Variants in MMP14 observed in about 807,000 individuals in gnomAD.
MMP14 encodes matrix metallopeptidase 14.
In MMP14, 13 loss-of-function variants were observed where a neutral mutation model predicts 64.8. The ratio of observed to expected loss-of-function variants is 0.20; its 90% CI spans 0.13 to 0.32. The LOEUF is 0.32. Ranked by LOEUF, MMP14 falls within the 10% of genes least tolerant of loss-of-function variation. The pLI is 1.00. For synonymous variants in MMP14, 322 were observed against 315.9 expected (o/e 1.02, Z -0.20); for missense variants, 594 against 783.8 (o/e 0.76, Z 2.89).
In MMP14 at chr14:22,843,476, A is replaced by C; in HGVS notation, c.850+58A>C. 6.4e-7 allele frequency: 1 copy of C among 1,570,110 alleles called. No homozygotes were observed. The highest frequency in any genetic ancestry group is 8.7e-7 in the Non-Finnish European group (1 of 1,154,240). On this transcript the variant is annotated intron_variant, in intron 5 of 9. Transcript: ENST00000311852. The surrounding 1 kb of genome is among the most constrained non-coding windows in gnomAD (Gnocchi z 4.8). ...TCTGCTGCTTGTTCCCTCCTGGTCT[A>C]CGCATTTCCCCTCTTTTATGCCTTG...
intron 2 of MMP14, 56 bp from the exon 3 acceptor site, chr14:22,841,857 C>T: frequency 6.2e-7 from 1 of 1,609,436 alleles, no homozygotes; most frequent in Non-Finnish European, 8.5e-7. Flanking sequence ...ATCGTGGAGA[C>T]CTTTCTCTTT....
intron 1 of MMP14, chr14:22,837,183 C>A: frequency 1.5e-6 from 1 of 650,608 alleles, no homozygotes; most frequent in Non-Finnish European, 2.8e-6. Flanking sequence ...TTTCCCAGTC[C>A]TTGGAAGAAC....
rs151330457 is a variant in MMP14 at position 22,844,393 on chromosome 14, G to C, written c.1034G>C (p.Arg345Thr). Reference protein sequence around the residue: ...VFKERWFWRVRNNQVMDGYPM... With the variant: ...VFKERWFWRVTNNQVMDGYPM... The stretch of plus-strand genomic sequence containing the variant: ...CAGGAGCGCTGGTTCTGGCGGGTGA[G>C]GAATAACCAAGTGATGGATGGATAC... Residue 345 changes from arginine to threonine, a missense_variant, in exon 7 of 10, where the codon AGG becomes ACG. By Grantham distance (71) the Arg-to-Thr change is moderately conservative (BLOSUM62 -1). Around this residue, in one of 4 missense-constraint regions of MMP14, gnomAD observed 364 missense variants for 425.2 expected, o/e 0.86. Coordinates refer to ENST00000311852, the MANE Select transcript of MMP14 (RefSeq NM_004995.4). 42 of 1,613,978 alleles carry C rather than the reference G, an allele frequency of 2.6e-5. No homozygotes were observed. The highest frequency in any genetic ancestry group is 3.4e-5 in the Non-Finnish European group (40 of 1,180,008).
chr14:22,841,961 G>A lies in MMP14; in HGVS notation c.306G>A (p.Glu102=), dbSNP rs1299865135. ...GTGTTCCAGACAAGTTTGGGGCTGA[G>A]ATCAAGGCCAATGTTCGAAGGAAGC... ...RCGVPDKFGA[E]IKANVRRKRY... Residue 102 remains glutamate, a synonymous_variant, in exon 3 of 10, where the codon GAG becomes GAA. Transcript: ENST00000311852. The A allele has an allele frequency of 6.2e-6, 10 of 1,614,240 alleles. No individual in the cohort carries two copies. The highest frequency in any genetic ancestry group is 8.5e-6 in the Non-Finnish European group (10 of 1,180,052).
At chr14:22,840,227 A>T (rs969725172) in intron 1 of MMP14, among the ~76,000 whole-genome samples, 26 of 152,232 alleles carry the variant, frequency 1.7e-4, no homozygotes, top group African/African-American at 6.3e-4. Context: ...TTGGCCTCCC[A>T]AACTGTCGGG....
At position 22,846,207 on chromosome 14, in the gene MMP14, C is replaced by T. The variant is rs1001602009; in HGVS notation, c.*168C>T. 2 of 647,294 alleles carry T rather than the reference C, an allele frequency of 3.1e-6. No homozygotes were observed. The highest frequency in any genetic ancestry group is 1.8e-5 in the African/African-American group (1 of 54,638). 40.1% of individuals were successfully genotyped at this position (647,294 alleles called of 1,614,324 possible). The stretch of plus-strand genomic sequence containing the variant: ...CCTCCTTCACCCTGACCGCCTCCCT[C>T]CCTCCTGCCCCGGCATTGCATCTTC... On this transcript the variant is annotated 3_prime_UTR_variant, in exon 10 of 10. Transcript: ENST00000311852.
intron 6 of MMP14, 133 bp downstream of exon 6, chr14:22,844,003 C>A: frequency 1.7e-6 from 2 of 1,169,032 alleles, no homozygotes; most frequent in South Asian, 1.4e-5. Context: ...CGAGAGCAGG[C>A]TGGCCAACAT....
chr14:22,842,975 C>T lies in MMP14; in HGVS notation c.688+258C>T, dbSNP rs927646342. 6.6e-6 allele frequency among the ~76,000 whole-genome samples: 1 copy of T among 152,200 alleles called. No individual in the cohort carries two copies. The highest frequency in any genetic ancestry group is 1.5e-5 in the Non-Finnish European group (1 of 68,040). On this transcript the variant is annotated intron_variant, in intron 4 of 9. Coordinates refer to ENST00000311852, the MANE Select transcript of MMP14 (RefSeq NM_004995.4). The surrounding 1 kb of genome is among the most constrained non-coding windows in gnomAD (Gnocchi z 5.3). Reference sequence around the variant, plus strand: ...CCAGACCGATGTCATGTCTCGCTCCCGGGAGAAACTGGGGACTAGAGAGAG... The same window carrying T: ...CCAGACCGATGTCATGTCTCGCTCCTGGGAGAAACTGGGGACTAGAGAGAG...
chr14:22,841,487 A>G lies in MMP14; in HGVS notation c.109-4A>G. On this transcript the variant is annotated splice_polypyrimidine_tract_variant and splice_region_variant and intron_variant, in intron 1 of 9. Transcript: ENST00000311852. The stretch of plus-strand genomic sequence containing the variant: ...CACTCTAAGCCATACCCCTTTCCCT[A>G]CAGGCCTGGCTACAGCAATATGGCT... 1 of 1,613,244 alleles carries G rather than the reference A, an allele frequency of 6.2e-7. No individual in the cohort carries two copies.
chr14:22,842,601 C>T lies in MMP14; in HGVS notation c.572C>T (p.Pro191Leu). 19 of 1,614,210 alleles carry T rather than the reference C, an allele frequency of 1.2e-5. No homozygotes were observed. Among genetic ancestry groups the T allele is most frequent in the Non-Finnish European group, 1.6e-5 (19 of 1,180,042 alleles). The change falls in exon 4 of 10, where the codon CCC (proline) becomes CTC (leucine). Residue 191 changes from proline to leucine, a missense_variant. Coordinates refer to ENST00000311852, the MANE Select transcript of MMP14 (RefSeq NM_004995.4). The surrounding 1 kb of genome is among the most constrained non-coding windows in gnomAD (Gnocchi z 5.3). ...GAGGGCTTCCATGGCGACAGCACGC[C>T]CTTCGATGGTGAGGGCGGCTTCCTG... ...FAEGFHGDSTPFDGEGGFLAH... is the reference protein window; with the variant it reads ...FAEGFHGDSTLFDGEGGFLAH...
In MMP14 at chr14:22,846,009, C is replaced by A; in HGVS notation, c.1719C>A (p.Tyr573Ter). Residue 573 changes from tyrosine to a stop codon, truncating the protein, a stop_gained, in exon 10 of 10, where the codon TAC (tyrosine) becomes TAA (stop). Transcript: ENST00000311852. LOFTEE classifies it high-confidence loss of function. ...ATGGGACCCCCAGGCGACTGCTCTA[C>A]TGCCAGCGTTCCCTGCTGGACAAGG... ...RRHGTPRRLL[Y>*]CQRSLLDKV is the part of the protein sequence containing the mutation. 6.6e-7 allele frequency: 1 copy of A among 1,517,028 alleles called. No homozygotes were observed. The highest frequency in any genetic ancestry group is 2.1e-5 in the Admixed American group (1 of 48,248). The allele number at this position is 1,517,028 out of a possible 1,614,324, so 94.0% of individuals were successfully genotyped here. A position where few individuals can be genotyped will look rare whatever the true frequency, so the allele number is the denominator to read the frequency against.
At chr14:22,845,488 C>A in intron 9 of MMP14, 122 bp downstream of exon 9, 1 of 867,350 alleles carries the variant, frequency 1.2e-6, no homozygotes, top group Non-Finnish European at 1.8e-6. Context: ...TACCACATAC[C>A]AGGCGCTGGG....
Position 22,836,741 on chromosome 14 carries a change from G to A in MMP14, c.-77G>A, listed in dbSNP as rs1182717035. 48 of 802,664 alleles carry A rather than the reference G, an allele frequency of 6.0e-5. No homozygotes were observed. Among genetic ancestry groups the A allele is most frequent in the Non-Finnish European group, 7.9e-5 (41 of 521,218 alleles). The allele number at this position is 802,664 out of a possible 1,614,324, so 49.7% of individuals were successfully genotyped here. ...CTACCGAAGACAAAGGCGCCCCGAG[G>A]GAGTGGCGGTGCGACCCCAGGGCGT... On this transcript the variant is annotated 5_prime_UTR_variant, in exon 1 of 10. Coordinates refer to ENST00000311852, the MANE Select transcript of MMP14 (RefSeq NM_004995.4).
intron 1 of MMP14, among the ~76,000 whole-genome samples, chr14:22,838,774 C>T (rs1489773557): frequency 6.6e-6 from 1 of 152,160 alleles, no homozygotes; most frequent in Non-Finnish European, 1.5e-5. Context: ...CTTCCTCCCA[C>T]CCAGCCGCAG....
At position 22,843,757 on chromosome 14, in the gene MMP14, A is replaced by G; in HGVS notation, c.898A>G (p.Thr300Ala). Residue 300 changes from threonine (T) to alanine (A), a missense_variant, in exon 6 of 10, where the codon ACC (threonine) becomes GCC (alanine). Transcript: ENST00000311852. The surrounding 1 kb of genome is among the most constrained non-coding windows in gnomAD (Gnocchi z 4.8). ...PTKMPPQPRTTSRPSVPDKPK... is the reference protein window; with the variant it reads ...PTKMPPQPRTASRPSVPDKPK... ...CAAGATGCCCCCTCAACCCAGGACT[A>G]CCTCCCGGCCTTCTGTTCCTGATAA... 6.2e-7 allele frequency: 1 copy of G among 1,610,706 alleles called. No individual in the cohort carries two copies. The highest frequency in any genetic ancestry group is 2.2e-5 in the East Asian group (1 of 44,700).
At chr14:22,837,724 G>A (rs1357570652) in intron 1 of MMP14, among the ~76,000 whole-genome samples, 1 of 152,216 alleles carries the variant, frequency 6.6e-6, no homozygotes, top group Non-Finnish European at 1.5e-5. Flanking sequence ...AATGGGGAGA[G>A]GGTCTGGTCC....
rs540383175 is a variant in MMP14, at chr14:22,847,561, A to G, written c.*1522A>G. Reference sequence around the variant, plus strand: ...TTTGTTTTTTTGTTTTGTTTAATGTATATTTTTATTATAATTATTATATAT... The same window carrying G: ...TTTGTTTTTTTGTTTTGTTTAATGTGTATTTTTATTATAATTATTATATAT... On this transcript the variant is annotated 3_prime_UTR_variant, in exon 10 of 10. Transcript: ENST00000311852. 2 of 135,238 alleles carry G rather than the reference A, an allele frequency of 1.5e-5. No homozygotes were observed. The highest frequency in any genetic ancestry group is 3.1e-5 in the Non-Finnish European group (2 of 65,374). The allele number at this position is 135,238 out of a possible 1,614,324, so 8.4% of individuals were successfully genotyped here. A position where few individuals can be genotyped will look rare whatever the true frequency, so the allele number is the denominator to read the frequency against.
rs1281160793 is a variant in MMP14, at chr14:22,842,388, T to A, written c.381-22T>A. On this transcript the variant is annotated intron_variant, in intron 3 of 9. Coordinates refer to ENST00000311852, the MANE Select transcript of MMP14 (RefSeq NM_004995.4). This position sits in a 1 kb window ranked among gnomAD's most constrained non-coding sequence, Gnocchi z 5.3. The stretch of plus-strand genomic sequence containing the variant: ...CTTTATCCTAACACACCCCATCCTC[T>A]CCCCACGTGGCTGGACCTCAGCATC... The A allele has an allele frequency of 6.3e-7, 1 of 1,595,890 alleles. No homozygotes were observed.
Position 22,842,759 on chromosome 14 carries a change from C to T in MMP14, c.688+42C>T. The T allele has an allele frequency of 6.4e-7, 1 of 1,551,368 alleles. No individual in the cohort carries two copies. Among genetic ancestry groups the T allele is most frequent in the Non-Finnish European group, 8.7e-7 (1 of 1,145,336 alleles). ...TGGGACTTACTCTGGAAAAAGCCAA[C>T]AGTCATTTGTAGGGGTGGTTCCCCT... On this transcript the variant is annotated intron_variant, in intron 4 of 9. Coordinates refer to ENST00000311852, the MANE Select transcript of MMP14 (RefSeq NM_004995.4). This position sits in a 1 kb window ranked among gnomAD's most constrained non-coding sequence, Gnocchi z 5.3.
Sources: gnomAD v4.1 joint callset for allele counts (sites outside exome capture counted in the v4.1 genomes callset) on GRCh38, gnomAD v4.1.1 for gene constraint, gnomAD v4.1.1 regional missense constraint, Gnocchi (gnomAD v3.1) non-coding constraint, MANE v1.5 for transcripts, NCBI Gene and HGNC (gene_info 2026-07-23, HGNC 2026-07-21) for gene names.